ADAMTS6: variants seen among roughly 807,000 people sequenced by gnomAD.
The protein encoded by ADAMTS6 is A disintegrin and metalloproteinase with thrombospondin motifs 6.
Under a neutral mutation model 144.3 loss-of-function variants are expected in ADAMTS6, and 23 were observed. The ratio of observed to expected loss-of-function variants is 0.16; its 90% CI spans 0.11 to 0.23. ADAMTS6 has a LOEUF of 0.23. Among genes scored for constraint, ADAMTS6 ranks in the 10% least tolerant of loss-of-function variants. The pLI is 1.00. For synonymous variants in ADAMTS6, 444 were observed against 457.5 expected (o/e 0.97, Z 0.38); for missense variants, 999 against 1,379.6 (o/e 0.72, Z 4.37).
chr5:65,404,506 T>C (rs1402610256), intron 7 of ADAMTS6, among the ~76,000 whole-genome samples: 2 of 152,218 alleles, frequency 1.3e-5, no homozygotes, highest in South Asian at 2.1e-4. Context: ...TAATATTCCA[T>C]GGTGTGTATG....
chr5:65,180,704 T>A (rs1056653282), intron 22 of ADAMTS6, among the ~76,000 whole-genome samples: 7 of 150,554 alleles, frequency 4.6e-5, no homozygotes, highest in Admixed American at 1.3e-4. Context: ...CATTTTGATT[T>A]AAAAAAAAAA....
intron 3 of ADAMTS6, among the ~76,000 whole-genome samples, chr5:65,460,745 T>C (rs1373542758): frequency 1.3e-5 from 2 of 152,184 alleles, no homozygotes; most frequent in Admixed American, 1.3e-4. Context: ...TATGTAACAC[T>C]TTCAGCCCAA....
intron 22 of ADAMTS6, among the ~76,000 whole-genome samples, chr5:65,182,357 T>C (rs961543153): frequency 2.0e-5 from 3 of 150,520 alleles, no homozygotes; most frequent in Non-Finnish European, 2.9e-5. Context: ...AGGAAGAGAA[T>C]TGCTTGAACC....
chr5:65,294,557 A>G (rs1048083299), intron 10 of ADAMTS6, among the ~76,000 whole-genome samples: 1 of 152,160 alleles, frequency 6.6e-6, no homozygotes, highest in Middle Eastern at 3.2e-3. Context: ...ATGCTTTTTG[A>G]ACTATGTTAA....
chr5:65,403,005 G>A (rs1386256108), intron 7 of ADAMTS6, among the ~76,000 whole-genome samples: 2 of 150,360 alleles, frequency 1.3e-5, no homozygotes, highest in Non-Finnish European at 3.0e-5. Flanking sequence ...CAATCTTTCT[G>A]CTTACCCCTC....
intron 20 of ADAMTS6, among the ~76,000 whole-genome samples, chr5:65,204,797 A>G (rs757579597): frequency 2.0e-5 from 3 of 152,198 alleles, no homozygotes; most frequent in Non-Finnish European, 4.4e-5. Flanking sequence ...TGATATATAC[A>G]GGACTCAAAT....
intron 7 of ADAMTS6, among the ~76,000 whole-genome samples, chr5:65,400,869 G>A (rs1372267667): frequency 6.6e-6 from 1 of 152,102 alleles, no homozygotes; most frequent in African/African-American, 2.4e-5. Flanking sequence ...TTCCGTTACA[G>A]CGTTTTTGAT....
intron 9 of ADAMTS6, among the ~76,000 whole-genome samples, chr5:65,321,264 T>C (rs1745583249): frequency 6.6e-6 from 1 of 152,218 alleles, no homozygotes; most frequent in East Asian, 1.9e-4. Flanking sequence ...AGGTGTTATC[T>C]CACTGTGGTT....
At chr5:65,384,993 G>A (rs1055491191) in intron 7 of ADAMTS6, among the ~76,000 whole-genome samples, 1 of 152,148 alleles carries the variant, frequency 6.6e-6, no homozygotes, top group Non-Finnish European at 1.5e-5. Context: ...CATGGTAGAA[G>A]GCAAAAGGGG....
intron 9 of ADAMTS6, 116 bp downstream of exon 9, chr5:65,329,262 G>A (rs563141642): frequency 2.2e-5 from 18 of 821,538 alleles, no homozygotes; most frequent in Non-Finnish European, 3.5e-5. Context: ...ATCATCTATT[G>A]GAATCAGACA....
At chr5:65,215,987 A>C (rs1408363302) in intron 18 of ADAMTS6, among the ~76,000 whole-genome samples, 1 of 152,200 alleles carries the variant, frequency 6.6e-6, no homozygotes, top group Non-Finnish European at 1.5e-5. Flanking sequence ...AAAGAACAAG[A>C]AATGGGGCTA....
intron 1 of ADAMTS6, among the ~76,000 whole-genome samples, chr5:65,474,849 C>G (rs1489858371): frequency 1.3e-5 from 2 of 149,520 alleles, no homozygotes; most frequent in African/African-American, 4.9e-5. Flanking sequence ...TTTAGAACCC[C>G]AAAGTAATAT....
rs16893717 is a variant in ADAMTS6, at chr5:65,349,044, C to T, written c.1074-14959G>A. 3.0e-3 allele frequency among the ~76,000 whole-genome samples: 461 copies of T among 152,204 alleles called. 17 individuals are homozygous for T. In the East Asian group the frequency reaches 0.072, roughly 24 times the overall value. On this transcript the variant is annotated intron_variant, in intron 7 of 24. Coordinates refer to ENST00000381055, the MANE Select transcript of ADAMTS6 (RefSeq NM_197941.4). Reference sequence around the variant, plus strand: ...TAGTTTTACAGAACATGGTAGACCACAACAGCTCTTTGCCTTAAAATAAAG... The same window carrying T: ...TAGTTTTACAGAACATGGTAGACCATAACAGCTCTTTGCCTTAAAATAAAG...
chr5:65,426,835 T>C (rs1160070111), intron 7 of ADAMTS6, among the ~76,000 whole-genome samples: 1 of 152,076 alleles, frequency 6.6e-6, no homozygotes, highest in Non-Finnish European at 1.5e-5. Context: ...GTAAATCTAA[T>C]GCTGCAAAAC....
chr5:65,267,154 CT>C (rs2112624554), intron 12 of ADAMTS6, among the ~76,000 whole-genome samples: 1 of 152,114 alleles, frequency 6.6e-6, no homozygotes, highest in African/African-American at 2.4e-5. Flanking sequence ...GTTACCAAAC[CT>C]GTAAAAGCTC....
At chr5:65,173,737 A>G (rs1039494072) in intron 22 of ADAMTS6, among the ~76,000 whole-genome samples, 2 of 152,106 alleles carry the variant, frequency 1.3e-5, no homozygotes, top group Admixed American at 1.3e-4. Flanking sequence ...TAAAATATGT[A>G]ATTCAGGCCA....
intron 24 of ADAMTS6, among the ~76,000 whole-genome samples, chr5:65,156,115 C>T (rs1752401359): frequency 6.6e-6 from 1 of 151,986 alleles, no homozygotes; most frequent in Non-Finnish European, 1.5e-5. Context: ...GGCATTCAAC[C>T]CATCTACCAC....
At chr5:65,346,808 C>G (rs184191638) in intron 7 of ADAMTS6, among the ~76,000 whole-genome samples, 110 of 151,656 alleles carry the variant, frequency 7.3e-4, no homozygotes, top group African/African-American at 2.6e-3. Flanking sequence ...GAAATAGACT[C>G]TACTAAAAAA....
At chr5:65,452,020 C>G (rs922229909) in intron 6 of ADAMTS6, 113 bp downstream of exon 6, 2 of 866,218 alleles carry the variant, frequency 2.3e-6, no homozygotes, top group Non-Finnish European at 3.3e-6. Flanking sequence ...TCATATCCAA[C>G]TAGAATTTCC....
Sources: gnomAD v4.1 joint callset for allele counts (sites outside exome capture counted in the v4.1 genomes callset) on GRCh38, gnomAD v4.1.1 for gene constraint, MANE v1.5 for transcripts, NCBI Gene and HGNC (gene_info 2026-07-23, HGNC 2026-07-21) for gene names.